The following NF2 variants were observed in gnomAD, a reference collection of about 807,000 sequenced individuals.
NF2 encodes merlin.
NF2 carries 8 observed loss-of-function variants against 83.7 expected under a neutral mutation model. The ratio of observed to expected loss-of-function variants is 0.10; its 90% confidence interval spans 0.06 to 0.17. The LOEUF (loss-of-function observed/expected upper bound fraction) is 0.17, where lower values mean the gene tolerates loss of function less well. Ranked by LOEUF, NF2 falls within the 10% of genes least tolerant of loss-of-function variation. The probability of loss-of-function intolerance (pLI) is 1.00; values close to 1 mark genes in which losing one functional copy is unlikely to be tolerated. For synonymous variants in NF2, 266 were observed against 269.6 expected, an observed-to-expected ratio of 0.99 and a Z score of 0.13; for missense variants, 533 against 744.4, an observed-to-expected ratio of 0.72 and a Z score of 3.31.
chr22:29,648,473 G>A (rs1601601795), intron 4 of NF2, among the ~76,000 whole-genome samples: 1 of 152,212 alleles, frequency 6.6e-6, no homozygotes, highest in Non-Finnish European at 1.5e-5. Context: ...CAAAGGGATT[G>A]TGAAATTGGC....
intron 13 of NF2, among the ~76,000 whole-genome samples, chr22:29,677,409 T>C (rs988066272): frequency 6.6e-6 from 1 of 151,814 alleles, no homozygotes; most frequent in African/African-American, 2.4e-5. Flanking sequence ...TAAACAATAC[T>C]GTCTGTGACT....
rs759278621 is a variant in NF2, at chr22:29,694,785, T to C, written c.1771T>C (p.Phe591Leu). Residue 591 changes from phenylalanine (F) to leucine (L), a missense_variant, in exon 16 of 16, where the codon TTC (phenylalanine) becomes CTC (leucine). This residue lies in a region of NF2 where 199 missense variants were observed against 240.7 expected (regional missense o/e 0.83). Transcript: ENST00000338641. This position sits in a 1 kb window ranked among gnomAD's most constrained non-coding sequence, Gnocchi z 4.1. ...TLQSAKSRVA[F>L]FEEL ...GCAGAGCGCCAAGTCCCGAGTGGCC[T>C]TCTTTGAAGAGCTCTAGCAGGTGAC... The C allele has an allele frequency of 1.9e-6, 3 of 1,613,656 alleles. No individual in the cohort carries two copies. Among genetic ancestry groups the C allele is most frequent in the South Asian group, 1.1e-5 (1 of 90,950 alleles).
intron 6 of NF2, among the ~76,000 whole-genome samples, chr22:29,656,912 A>C (rs1047781328): frequency 7.0e-6 from 1 of 142,582 alleles, no homozygotes; most frequent in Non-Finnish European, 1.5e-5. Flanking sequence ...TAATCTAAAA[A>C]GTGAAAAGTT....
intron 13 of NF2, among the ~76,000 whole-genome samples, chr22:29,676,765 T>G (rs900632655): frequency 1.3e-5 from 2 of 152,146 alleles, no homozygotes; most frequent in African/African-American, 4.8e-5. Context: ...AACTGTGGGG[T>G]CAAATTTTCG....
At chr22:29,655,815 G>T in intron 6 of NF2, 139 bp downstream of exon 6, 6 of 714,994 alleles carry the variant, frequency 8.4e-6, no homozygotes, top group South Asian at 8.4e-5. Flanking sequence ...GGAGAGCTGG[G>T]GAGCTGGGAG....
rs2067206263 is a variant in NF2 at position 29,683,669 on chromosome 22, T to C, written c.1737+2068T>C. On this transcript the variant is annotated intron_variant, in intron 15 of 15. Transcript: ENST00000338641. ...GTGAGTCCACGGGGAGTGGACTGTC[T>C]GTTCATCTGTGCTCAGCCACCTCTG... The C allele has an allele frequency of 3.7e-6, 4 of 1,077,878 alleles. No homozygotes were observed. The South Asian group carries it at 1.3e-4, about 34-fold the overall frequency. The allele number at this position is 1,077,878 out of a possible 1,614,324, so 66.8% of individuals were successfully genotyped here.
chr22:29,629,054 C>T (rs1271026393), intron 1 of NF2, among the ~76,000 whole-genome samples: 1 of 152,008 alleles, frequency 6.6e-6, no homozygotes, highest in Non-Finnish European at 1.5e-5. Flanking sequence ...TATTTTTTTT[C>T]CCACACTTTT....
chr22:29,687,947 C>T (rs2067307494), intron 15 of NF2, among the ~76,000 whole-genome samples: 1 of 152,240 alleles, frequency 6.6e-6, no homozygotes, highest in East Asian at 1.9e-4. Context: ...TTAGGAACTG[C>T]AGGCTGCTCT....
intron 1 of NF2, among the ~76,000 whole-genome samples, chr22:29,619,251 G>A (rs2065150737): frequency 1.3e-5 from 2 of 152,126 alleles, no homozygotes; most frequent in Non-Finnish European, 2.9e-5. Flanking sequence ...CTCCATGTTG[G>A]TCATGCTGGT....
At chr22:29,686,243 G>A (rs1267696155) in intron 15 of NF2, among the ~76,000 whole-genome samples, 2 of 152,258 alleles carry the variant, frequency 1.3e-5, no homozygotes, top group Non-Finnish European at 1.5e-5. Flanking sequence ...AAAGGGCGAA[G>A]GACGGCATGT....
chr22:29,651,944 G>A (rs1440169580), intron 4 of NF2, among the ~76,000 whole-genome samples: 1 of 152,144 alleles, frequency 6.6e-6, no homozygotes, highest in African/African-American at 2.4e-5. Context: ...AAATCCAGGA[G>A]GCAAACAATG....
chr22:29,605,427 T>G (rs2064764174), intron 1 of NF2, among the ~76,000 whole-genome samples: 1 of 152,080 alleles, frequency 6.6e-6, no homozygotes, highest in African/African-American at 2.4e-5. Flanking sequence ...CCTCCCAAAG[T>G]GGTGGGAAAG....
rs142459414 is a variant in NF2 at position 29,671,939 on chromosome 22, C to G, written c.1113C>G (p.Asn371Lys). 6.2e-7 allele frequency: 1 copy of G among 1,614,170 alleles called. No homozygotes were observed. The highest frequency in any genetic ancestry group is 8.5e-7 in the Non-Finnish European group (1 of 1,180,032). The change falls in exon 11 of 16, where the codon AAC (asparagine) becomes AAG (lysine). Residue 371 changes from asparagine to lysine, a missense_variant. Asn to Lys is a moderately conservative substitution (Grantham distance 94). Transcript: ENST00000338641. The stretch of plus-strand genomic sequence containing the variant: ...TGAAAGAAGAAGCAACAATGGCCAA[C>G]GAAGCACTGGTGATTTCTGAGGGGC... ...LQMKEEATMA[N>K]EALMRSEETA... is the part of the protein sequence containing the mutation.
intron 14 of NF2, among the ~76,000 whole-genome samples, chr22:29,679,101 A>G (rs2067053389): frequency 6.6e-6 from 1 of 152,158 alleles, no homozygotes; most frequent in South Asian, 2.1e-4. Flanking sequence ...CATCAAAATG[A>G]CATCAAAGGT....
Position 29,664,970 on chromosome 22 carries a change from G to C in NF2, c.811-20G>C, listed in dbSNP as rs1424436102. On this transcript the variant is annotated intron_variant, in intron 8 of 15. Transcript: ENST00000338641. Reference sequence around the variant, plus strand: ...TTCCAGGCTGTCGGACTGAAACTGTGTTCTGCTTCATTCTTCCAGTTTACT... The same window carrying C: ...TTCCAGGCTGTCGGACTGAAACTGTCTTCTGCTTCATTCTTCCAGTTTACT... 6.3e-7 allele frequency: 1 copy of C among 1,580,052 alleles called. No individual in the cohort carries two copies. The highest frequency in any genetic ancestry group is 2.2e-5 in the East Asian group (1 of 44,750).
intron 4 of NF2, among the ~76,000 whole-genome samples, chr22:29,651,983 A>G (rs1468499649): frequency 1.3e-5 from 2 of 152,190 alleles, no homozygotes; most frequent in South Asian, 2.1e-4. Flanking sequence ...AATGCAGAGG[A>G]TGGCAATAAT....
intron 1 of NF2, among the ~76,000 whole-genome samples, chr22:29,621,408 C>A (rs570524642): frequency 1.3e-5 from 2 of 152,136 alleles, no homozygotes; most frequent in Non-Finnish European, 2.9e-5. Flanking sequence ...TGGTAAAGTA[C>A]GTAGAATAGT....
chr22:29,610,718 A>ACC (rs1295054137), intron 1 of NF2, among the ~76,000 whole-genome samples: 1 of 152,100 alleles, frequency 6.6e-6, no homozygotes, highest in Non-Finnish European at 1.5e-5. Context: ...TGATAACTTC[A>ACC]CCACTGAATT....
chr22:29,694,969 G>C lies in NF2; in HGVS notation c.*167G>C. On this transcript the variant is annotated 3_prime_UTR_variant, in exon 16 of 16. Coordinates refer to ENST00000338641, the MANE Select transcript of NF2 (RefSeq NM_000268.4). This position sits in a 1 kb window ranked among gnomAD's most constrained non-coding sequence, Gnocchi z 4.1. The stretch of plus-strand genomic sequence containing the variant: ...AGCCCAGCCCCTCTTATGTGCAATT[G>C]CCTTGAACTACGACCCTGTAGAGAT... 1 of 713,400 alleles carries C rather than the reference G, an allele frequency of 1.4e-6. No individual in the cohort carries two copies. Among genetic ancestry groups the C allele is most frequent in the Non-Finnish European group, 2.5e-6 (1 of 398,108 alleles). The allele number at this position is 713,400 out of a possible 1,614,324, so 44.2% of individuals were successfully genotyped here.
Sources: gnomAD v4.1 joint callset for allele counts (sites outside exome capture counted in the v4.1 genomes callset) on GRCh38, gnomAD v4.1.1 for gene constraint, gnomAD v4.1.1 regional missense constraint, Gnocchi (gnomAD v3.1) non-coding constraint, MANE v1.5 for transcripts, NCBI Gene and HGNC (gene_info 2026-07-23, HGNC 2026-07-21) for gene names.